The following C16orf78 variants were observed in gnomAD, a reference collection of about 807,000 sequenced individuals.
C16orf78 encodes uncharacterized protein C16orf78.
A neutral mutation model predicts 27.3 loss-of-function variants in C16orf78; 19 were observed. That is an observed-to-expected ratio of 0.70 (90% CI 0.49 to 1.02). C16orf78 has a LOEUF of 1.02. C16orf78 is among the 50% of genes least tolerant of loss of function. The pLI, the probability that C16orf78 is intolerant of heterozygous loss-of-function variation, is 0.00. For missense variants in C16orf78, 339 were observed against 337.0 expected, an observed-to-expected ratio of 1.01 and a Z score of -0.05; for synonymous variants, 130 against 116.1, an observed-to-expected ratio of 1.12 and a Z score of -0.77.
At chr16:49,384,368 A>AAAAAAAAAAAAAAAAAAAAG (rs1567391927) in intron 3 of C16orf78, among the ~76,000 whole-genome samples, 1 of 143,164 alleles carries the variant, frequency 7.0e-6, no homozygotes. Context: ...AAAAAAAAAA[A>AAAAAAAAAAAAAAAAAAAAG]GCAGAAAACT....
rs568945488 is a variant in C16orf78 at position 49,389,779 on chromosome 16, G to A, written c.395-6644G>A. Among the ~76,000 whole-genome samples, 11 of 152,008 alleles carry A rather than the reference G, an allele frequency of 7.2e-5. No homozygotes were observed. In the East Asian group the frequency reaches 1.5e-3, roughly 21 times the overall value. On this transcript the variant is annotated intron_variant, in intron 3 of 4. Transcript: ENST00000299191. Reference sequence around the variant, plus strand: ...TATATTTTTCCATATTATAAACCCCGCAAGTGTTATGATTTTTGCCCCAAG... The same window carrying A: ...TATATTTTTCCATATTATAAACCCCACAAGTGTTATGATTTTTGCCCCAAG...
intron 3 of C16orf78, among the ~76,000 whole-genome samples, chr16:49,393,240 C>T (rs1474621826): frequency 6.6e-6 from 1 of 152,118 alleles, no homozygotes; most frequent in Non-Finnish European, 1.5e-5. Context: ...TTTAATACAC[C>T]TCCTTCAGAA....
Position 49,374,092 on chromosome 16 carries a change from G to A in C16orf78, c.150+3G>A. The A allele has an allele frequency of 6.2e-7, 1 of 1,613,978 alleles. No homozygotes were observed. The highest frequency in any genetic ancestry group is 8.5e-7 in the Non-Finnish European group (1 of 1,179,952). On this transcript the variant is annotated splice_donor_region_variant and intron_variant, in intron 1 of 4. Transcript: ENST00000299191. ...GGAAGAAGAAACAAGCTCCCGAGGTGGGTACCATCCAAGAGAAATGGCAGG... is the reference window on the plus strand; with the variant it reads ...GGAAGAAGAAACAAGCTCCCGAGGTAGGTACCATCCAAGAGAAATGGCAGG...
intron 3 of C16orf78, among the ~76,000 whole-genome samples, chr16:49,394,014 T>C (rs1276777461): frequency 1.3e-5 from 2 of 152,066 alleles, no homozygotes; most frequent in Non-Finnish European, 2.9e-5. Context: ...TCAAAATTGG[T>C]ACAATATAGA....
chr16:49,386,069 T>C (rs1965346872), intron 3 of C16orf78, among the ~76,000 whole-genome samples: 1 of 152,224 alleles, frequency 6.6e-6, no homozygotes, highest in South Asian at 2.1e-4. Flanking sequence ...TCGGTGGCTA[T>C]ACTTATATCA....
At chr16:49,378,419 G>A (rs1434651577) in intron 2 of C16orf78, 51 bp from the exon 3 acceptor site, 4 of 1,538,034 alleles carry the variant, frequency 2.6e-6, no homozygotes, top group Non-Finnish European at 3.5e-6. Flanking sequence ...AGCGGGGAGG[G>A]CGAGCCAGGT....
At chr16:49,392,976 T>G (rs1965430566) in intron 3 of C16orf78, among the ~76,000 whole-genome samples, 1 of 152,214 alleles carries the variant, frequency 6.6e-6, no homozygotes, top group Admixed American at 6.5e-5. Context: ...GATGGTTTTG[T>G]AAATGGGAGT....
At chr16:49,381,397 T>C (rs1246850739) in intron 3 of C16orf78, among the ~76,000 whole-genome samples, 1 of 152,168 alleles carries the variant, frequency 6.6e-6, no homozygotes, top group Non-Finnish European at 1.5e-5. Flanking sequence ...TTGAAGCAAT[T>C]GTGAATGGGA....
intron 3 of C16orf78, among the ~76,000 whole-genome samples, chr16:49,394,255 C>CA (rs1247639808): frequency 6.6e-6 from 1 of 151,524 alleles, no homozygotes; most frequent in African/African-American, 2.4e-5. Context: ...AAAGTTATAC[C>CA]AAAAAAGTTG....
At chr16:49,394,106 C>T (rs535242728) in intron 3 of C16orf78, among the ~76,000 whole-genome samples, 38 of 152,146 alleles carry the variant, frequency 2.5e-4, no homozygotes, top group African/African-American at 8.7e-4. Flanking sequence ...GGCACTAAGA[C>T]AAATGGTTTC....
intron 3 of C16orf78, among the ~76,000 whole-genome samples, chr16:49,393,716 A>G (rs1374800167): frequency 6.6e-6 from 1 of 152,106 alleles, no homozygotes; most frequent in African/African-American, 2.4e-5. Context: ...ACTATGAAAA[A>G]GAGAAAATTA....
At chr16:49,397,067 T>C (rs546043473) in intron 4 of C16orf78, among the ~76,000 whole-genome samples, 1 of 152,342 alleles carries the variant, frequency 6.6e-6, no homozygotes, top group Admixed American at 6.5e-5. Flanking sequence ...GTAGCCACCA[T>C]CCTCAGTGAC....
chr16:49,391,376 C>G (rs1596929771), intron 3 of C16orf78, among the ~76,000 whole-genome samples: 2 of 152,170 alleles, frequency 1.3e-5, no homozygotes, highest in East Asian at 3.9e-4. Flanking sequence ...GGCCATACCC[C>G]CTTTTGTCTC....
chr16:49,387,477 T>A (rs188342910), intron 3 of C16orf78, among the ~76,000 whole-genome samples: 11 of 152,238 alleles, frequency 7.2e-5, no homozygotes, highest in Non-Finnish European at 1.5e-4. Flanking sequence ...CTTTTTGCAT[T>A]AATGTTCAAG....
rs566354638 is a variant in C16orf78 at position 49,398,938 on chromosome 16, G to A, written c.651-193G>A. On this transcript the variant is annotated intron_variant, in intron 4 of 4. Coordinates refer to ENST00000299191, the MANE Select transcript of C16orf78 (RefSeq NM_144602.4). ...CGACTGCCAAAAGAGTTACACAAAC[G>A]CAAACTCCCGCCGCCTTTGTGGGGT... Among the ~76,000 whole-genome samples, 8 of 152,218 alleles carry A rather than the reference G, an allele frequency of 5.3e-5. No individual in the cohort carries two copies. In the East Asian group the frequency reaches 5.8e-4, roughly 11 times the overall value.
chr16:49,377,688 C>T lies in C16orf78; in HGVS notation c.151-43C>T, dbSNP rs761783584. On this transcript the variant is annotated intron_variant, in intron 1 of 4. Transcript: ENST00000299191. The stretch of plus-strand genomic sequence containing the variant: ...TTGGGGAAAGGGAGGGGATGCTGTC[C>T]CCACAGCAGTGGCTGCAGGGCTCTC... The T allele has an allele frequency of 4.4e-6, 7 of 1,586,250 alleles. No homozygotes were observed. In the Admixed American group the frequency reaches 5.4e-5, roughly 12 times the overall value.
intron 2 of C16orf78, among the ~76,000 whole-genome samples, chr16:49,378,155 G>T (rs1965243732): frequency 6.6e-6 from 1 of 152,158 alleles, no homozygotes; most frequent in Non-Finnish European, 1.5e-5. Context: ...GTTCAGTGAG[G>T]GACAAGAGCC....
intron 3 of C16orf78, among the ~76,000 whole-genome samples, chr16:49,380,261 T>A (rs145359297): frequency 0.038 from 5,789 of 152,334 alleles, 380 homozygotes; most frequent in African/African-American, 0.13. Context: ...TGTGATCATG[T>A]GAGTCAATAC....
At chr16:49,398,039 A>G (rs747414648) in intron 4 of C16orf78, among the ~76,000 whole-genome samples, 4 of 152,198 alleles carry the variant, frequency 2.6e-5, no homozygotes, top group Non-Finnish European at 4.4e-5. Context: ...GTGCTGGATT[A>G]CAGATGTGAG....
Sources: allele counts gnomAD v4.1 joint callset (sites outside exome capture counted in the v4.1 genomes callset), GRCh38; gene constraint gnomAD v4.1.1; transcripts MANE v1.5; gene names NCBI Gene and HGNC (gene_info 2026-07-23, HGNC 2026-07-21).